The following EEF1A2 variants were observed in gnomAD, a reference collection of about 807,000 sequenced individuals.
EEF1A2 encodes the protein eukaryotic translation elongation factor 1 alpha 2, also known as elongation factor 1-alpha 2.
In EEF1A2, 5 loss-of-function variants were observed where a neutral mutation model predicts 39.3. The observed-to-expected ratio is 0.13, with a 90% CI of 0.07 to 0.27. The LOEUF (loss-of-function observed/expected upper bound fraction) is 0.27, where lower values mean the gene tolerates loss of function less well. Among genes scored for constraint, EEF1A2 ranks in the 10% least tolerant of loss-of-function variants. EEF1A2 has a pLI of 1.00. For synonymous variants in EEF1A2, 287 were observed against 293.7 expected (o/e 0.98, Z 0.23); for missense variants, 218 against 681.4 (o/e 0.32, Z 7.57).
chr20:63,498,964 GC>G lies in EEF1A2; in HGVS notation c.-72+93del, dbSNP rs1428102177. 6.9e-4 allele frequency: 103 copies of G among 149,712 alleles called. No homozygotes were observed. The highest frequency in any genetic ancestry group is 2.5e-3 in the African/African-American group (102 of 41,268). 9.3% of individuals were successfully genotyped at this position (149,712 alleles called of 1,614,324 possible). ...GGGCGCGCGCGGGGGCGGGTGCGGG[GC>G]CCGGCCACCCTCTGCCCCCCAGGAC... On this transcript the variant is annotated intron_variant, in intron 1 of 7. Coordinates refer to ENST00000217182, the MANE Select transcript of EEF1A2 (RefSeq NM_001958.5). The surrounding 1 kb of genome is among the most constrained non-coding windows in gnomAD (Gnocchi z 4.1).
rs369501684 is a variant in EEF1A2, at chr20:63,497,771, G to C, written c.-8C>G. The C allele has an allele frequency of 6.2e-7, 1 of 1,610,868 alleles. No homozygotes were observed. Among genetic ancestry groups the C allele is most frequent in the African/African-American group, 1.3e-5 (1 of 74,900 alleles). On this transcript the variant is annotated 5_prime_UTR_variant, in exon 2 of 8. Transcript: ENST00000217182. This position sits in a 1 kb window ranked among gnomAD's most constrained non-coding sequence, Gnocchi z 7.3. ...GGTCTTCTCCTTGCCCATTTTGCTG[G>C]GAGTGTGAGGGGCTGGCGGGACCCG...
intron 5 of EEF1A2, among the ~76,000 whole-genome samples, chr20:63,492,440 G>A (rs1191116814): frequency 6.9e-6 from 1 of 144,526 alleles, no homozygotes; most frequent in Non-Finnish European, 1.5e-5. Context: ...ATGGATGGTT[G>A]AGACAATGGA....
chr20:63,492,205 GATGGAT>G (rs2082386971), intron 5 of EEF1A2, among the ~76,000 whole-genome samples: 13 of 134,952 alleles, frequency 9.6e-5, no homozygotes, highest in African/African-American at 1.9e-4. Flanking sequence ...TGGATGGATG[GATGGAT>G]AAATGGATGG....
At position 63,489,087 on chromosome 20, in the gene EEF1A2, T is replaced by G. The variant is rs1057521881; in HGVS notation, c.1095A>C (p.Thr365=). The G allele has an allele frequency of 1.2e-6, 2 of 1,612,668 alleles. No individual in the cohort carries two copies. The highest frequency in any genetic ancestry group is 2.2e-5 in the South Asian group (2 of 91,086). ...CCGCAAACTTGCAGGCGATGTGGGC[T>G]GTGTGGCAGTCGATGACCGGGGAGT... ...AGYSPVIDCH[T]AHIACKFAEL... is the part of the protein sequence containing the mutation. The change falls in exon 7 of 8, where the codon ACA becomes ACC. Residue 365 remains threonine, a synonymous_variant. Transcript: ENST00000217182.
At chr20:63,496,200 A>T in intron 2 of EEF1A2, 165 bp from the exon 3 acceptor site, 1 of 803,560 alleles carries the variant, frequency 1.2e-6, no homozygotes, top group South Asian at 1.8e-5. Context: ...CTCCGTCGGG[A>T]CCCCACACCC....
At position 63,488,286 on chromosome 20, in the gene EEF1A2, G is replaced by T; in HGVS notation, c.*12C>A. ...CACCGCCGGGGAGGGTCGCGCCGCGGGCGCCCGCGCTTCACTTGCCCGCCT... is the reference window on the plus strand; with the variant it reads ...CACCGCCGGGGAGGGTCGCGCCGCGTGCGCCCGCGCTTCACTTGCCCGCCT... On this transcript the variant is annotated 3_prime_UTR_variant, in exon 8 of 8. Coordinates refer to ENST00000217182, the MANE Select transcript of EEF1A2 (RefSeq NM_001958.5). The T allele has an allele frequency of 8.0e-7, 1 of 1,255,322 alleles. No homozygotes were observed. The highest frequency in any genetic ancestry group is 1.7e-5 in the South Asian group (1 of 58,442). The allele number at this position is 1,255,322 out of a possible 1,614,324, so 77.8% of individuals were successfully genotyped here.
Position 63,497,704 on chromosome 20 carries a change from C to G in EEF1A2, c.60G>C (p.Lys20Asn). The G allele has an allele frequency of 6.2e-7, 1 of 1,613,004 alleles. No homozygotes were observed. Among genetic ancestry groups the G allele is most frequent in the Non-Finnish European group, 8.5e-7 (1 of 1,179,864 alleles). The change falls in exon 2 of 8, where the codon AAG becomes AAC. Residue 20 changes from lysine to asparagine, a missense_variant. By Grantham distance (94) the Lys-to-Asn change is moderately conservative. Around this residue, in one of 4 missense-constraint regions of EEF1A2, gnomAD observed 28 missense variants for 156.2 expected, o/e 0.18. Transcript: ENST00000217182. This position sits in a 1 kb window ranked among gnomAD's most constrained non-coding sequence, Gnocchi z 7.3. ...AGATGAGGTGGCCCGTGGTGGTGGA[C>G]TTTCCGGAGTCCACGTGGCCGATGA... ...IVVIGHVDSG[K>N]STTTGHLIYK...
chr20:63,496,165 G>A lies in EEF1A2; in HGVS notation c.145-130C>T, dbSNP rs1433194001. On this transcript the variant is annotated intron_variant, in intron 2 of 7. Transcript: ENST00000217182. ...GGGCTCCAGCACCCCCTTGCTCTCC[G>A]TCGGGGTCCTGGGACGCCGGCCCCC... 26 of 1,185,378 alleles carry A rather than the reference G, an allele frequency of 2.2e-5. 1 individual carries two copies. Among genetic ancestry groups the A allele is most frequent in the East Asian group, 1.2e-4 (5 of 40,316 alleles). The allele number at this position is 1,185,378 out of a possible 1,614,324, so 73.4% of individuals were successfully genotyped here. A position where few individuals can be genotyped will look rare whatever the true frequency, so the allele number is the denominator to read the frequency against.
chr20:63,493,007 G>C (rs1269946717), intron 5 of EEF1A2, 130 bp downstream of exon 5: 2 of 1,262,680 alleles, frequency 1.6e-6, no homozygotes, highest in Admixed American at 5.4e-5. Flanking sequence ...GGGATGGACT[G>C]TCCCACAGAA....
intron 5 of EEF1A2, among the ~76,000 whole-genome samples, chr20:63,491,963 T>C: frequency 3.4e-4 from 2 of 5,900 alleles, no homozygotes; most frequent in African/African-American, 2.2e-3. Context: ...GGGAGGTGGA[T>C]GGATGGATGG....
Position 63,497,609 on chromosome 20 carries a change from G to A in EEF1A2, c.144+11C>T. 6.2e-7 allele frequency: 1 copy of A among 1,610,220 alleles called. No homozygotes were observed. Among genetic ancestry groups the A allele is most frequent in the Non-Finnish European group, 8.5e-7 (1 of 1,178,264 alleles). ...TCTCAGGGGGCCAAGACCATAGCCT[G>A]GGGAGCTCACCTCAGCCGCCTCCTT... On this transcript the variant is annotated intron_variant, in intron 2 of 7. Coordinates refer to ENST00000217182, the MANE Select transcript of EEF1A2 (RefSeq NM_001958.5). The surrounding 1 kb of genome is among the most constrained non-coding windows in gnomAD (Gnocchi z 7.3).
chr20:63,493,807 C>T (rs6122127), intron 4 of EEF1A2, among the ~76,000 whole-genome samples: 2 of 152,234 alleles, frequency 1.3e-5, no homozygotes, highest in African/African-American at 2.4e-5. Flanking sequence ...TCTGGGCCAC[C>T]TGCCACAAAC....
intron 3 of EEF1A2, 65 bp from the exon 4 acceptor site, chr20:63,495,166 C>A: frequency 6.4e-7 from 1 of 1,562,954 alleles, no homozygotes; most frequent in Non-Finnish European, 8.6e-7. Flanking sequence ...GCGAGCCTGG[C>A]CCCACCTCAC....
Position 63,497,737 on chromosome 20 carries a change from G to A in EEF1A2, c.27C>T (p.Asn9=). Residue 9 remains asparagine (N), a synonymous_variant, in exon 2 of 8, where the codon AAC becomes AAT. Coordinates refer to ENST00000217182, the MANE Select transcript of EEF1A2 (RefSeq NM_001958.5). This position sits in a 1 kb window ranked among gnomAD's most constrained non-coding sequence, Gnocchi z 7.3. The part of the protein sequence containing the change: MGKEKTHI[N]IVVIGHVDSG... ...AGTCCACGTGGCCGATGACCACGAT[G>A]TTGATGTGGGTCTTCTCCTTGCCCA... 1 of 1,612,976 alleles carries A rather than the reference G, an allele frequency of 6.2e-7. No individual in the cohort carries two copies. The highest frequency in any genetic ancestry group is 8.5e-7 in the Non-Finnish European group (1 of 1,179,816).
rs1344702903 is a variant in EEF1A2 at position 63,488,208 on chromosome 20, G to A, written c.*90C>T. On this transcript the variant is annotated 3_prime_UTR_variant, in exon 8 of 8. Coordinates refer to ENST00000217182, the MANE Select transcript of EEF1A2 (RefSeq NM_001958.5). Reference sequence around the variant, plus strand: ...TGGCGGGGGTGCGGGGCGCCGGACCGGCGCGCGGGGCGGGGGCGGGGCGGG... The same window carrying A: ...TGGCGGGGGTGCGGGGCGCCGGACCAGCGCGCGGGGCGGGGGCGGGGCGGG... 4.6e-6 allele frequency: 4 copies of A among 866,002 alleles called. No homozygotes were observed. The African/African-American group carries it at 6.3e-5, about 14-fold the overall frequency. The allele number at this position is 866,002 out of a possible 1,614,324, so 53.6% of individuals were successfully genotyped here.
intron 7 of EEF1A2, among the ~76,000 whole-genome samples, 169 bp from the exon 8 acceptor site, chr20:63,488,594 C>G (rs1386456002): frequency 6.6e-6 from 1 of 151,680 alleles, no homozygotes; most frequent in African/African-American, 2.4e-5. Context: ...CCTGCCTGGG[C>G]GGCTGCTCCA....
chr20:63,491,215 C>A (rs919634389), intron 5 of EEF1A2, among the ~76,000 whole-genome samples: 2 of 88,138 alleles, frequency 2.3e-5, no homozygotes, highest in African/African-American at 1.1e-4. Flanking sequence ...GCCCTGCTCC[C>A]TGCTCCCTGC....
chr20:63,495,732 G>C, intron 3 of EEF1A2, 124 bp downstream of exon 3: 1 of 1,292,334 alleles, frequency 7.7e-7, no homozygotes. Flanking sequence ...GCCCAGGTGA[G>C]GGGTCCCCTG....
intron 7 of EEF1A2, among the ~76,000 whole-genome samples, chr20:63,488,671 C>A (rs1274071246): frequency 6.6e-6 from 1 of 152,248 alleles, no homozygotes; most frequent in Non-Finnish European, 1.5e-5. Flanking sequence ...GCGGGCCTTC[C>A]TCACTCGCGG....
Sources: allele counts gnomAD v4.1 joint callset (sites outside exome capture counted in the v4.1 genomes callset), GRCh38; gene constraint gnomAD v4.1.1; regional missense constraint gnomAD v4.1.1; non-coding constraint Gnocchi (gnomAD v3.1); transcripts MANE v1.5; gene names NCBI Gene and HGNC (gene_info 2026-07-23, HGNC 2026-07-21).